Variants in CNBD1 observed in about 807,000 individuals in gnomAD.
CNBD1 encodes cyclic nucleotide-binding domain-containing protein 1.
CNBD1 carries 71 observed loss-of-function variants against 54.4 expected under a neutral mutation model. The observed-to-expected ratio is 1.30, with a 90% CI of 1.08 to 1.59. The LOEUF is 1.59. Among genes scored for constraint, CNBD1 ranks in the 40% most tolerant of loss-of-function variants. The pLI, the probability that CNBD1 is intolerant of heterozygous loss-of-function variation, is 0.00. For synonymous variants in CNBD1, 182 were observed against 170.7 expected, an observed-to-expected ratio of 1.07 and a Z score of -0.51; for missense variants, 659 against 518.0, an observed-to-expected ratio of 1.27 and a Z score of -2.64.
At chr8:87,390,441 G>T (rs1177482178) in intron 2 of CNBD1, among the ~76,000 whole-genome samples, 1 of 152,142 alleles carries the variant, frequency 6.6e-6, no homozygotes, top group African/African-American at 2.4e-5. Context: ...GATATGAACA[G>T]ACACTTCTCA....
At chr8:87,346,827 A>G (rs1810184882) in intron 8 of CNBD1, among the ~76,000 whole-genome samples, 1 of 152,234 alleles carries the variant, frequency 6.6e-6, no homozygotes, top group Non-Finnish European at 1.5e-5. Flanking sequence ...CAGAGTCACT[A>G]AAACCCAGTA....
chr8:86,997,857 T>C (rs1390614461), intron 4 of CNBD1, among the ~76,000 whole-genome samples: 1 of 152,170 alleles, frequency 6.6e-6, no homozygotes, highest in African/African-American at 2.4e-5. Context: ...GGTTATGCTT[T>C]CCTTATAGTA....
intron 8 of CNBD1, among the ~76,000 whole-genome samples, chr8:87,325,765 A>G (rs1809653936): frequency 6.7e-6 from 1 of 148,176 alleles, no homozygotes; most frequent in Non-Finnish European, 1.5e-5. Flanking sequence ...CCAACTTGCC[A>G]GTCTGTGTCT....
chr8:87,252,440 T>A (rs924821274), intron 6 of CNBD1, among the ~76,000 whole-genome samples: 6 of 152,204 alleles, frequency 3.9e-5, no homozygotes, highest in Non-Finnish European at 8.8e-5. Context: ...CTCTGTAAAC[T>A]TCTTTATAAT....
rs552616069 is a variant in CNBD1, at chr8:87,062,662, C to T, written c.431+122908C>T. Among the ~76,000 whole-genome samples, 115 of 151,696 alleles carry T rather than the reference C, an allele frequency of 7.6e-4. 2 individuals are homozygous for T. Among genetic ancestry groups the T allele is most frequent in the African/African-American group, 2.6e-3 (108 of 41,342 alleles). ...CTGAGGCAGGAGAATCCCTTGAACT[C>T]GGGAGGCAGCGATTGCGGTGAGCCA... On this transcript the variant is annotated intron_variant, in intron 4 of 10. Transcript: ENST00000518476.
chr8:87,070,451 T>C (rs997746436), intron 4 of CNBD1, among the ~76,000 whole-genome samples: 3 of 152,128 alleles, frequency 2.0e-5, no homozygotes, highest in African/African-American at 7.2e-5. Context: ...TCAACAAATA[T>C]TTATCAAATG....
chr8:87,202,624 T>C (rs1192305866), intron 4 of CNBD1, among the ~76,000 whole-genome samples: 1 of 152,170 alleles, frequency 6.6e-6, no homozygotes, highest in Non-Finnish European at 1.5e-5. Context: ...ATAATGGCTG[T>C]CTGACTGTTG....
intron 4 of CNBD1, among the ~76,000 whole-genome samples, chr8:87,135,972 T>C (rs1252410290): frequency 2.0e-5 from 3 of 152,006 alleles, no homozygotes; most frequent in Admixed American, 6.6e-5. Context: ...TGGATAAAGT[T>C]TGGAAGTGCC....
intron 8 of CNBD1, among the ~76,000 whole-genome samples, chr8:87,339,622 A>T (rs895244025): frequency 3.3e-5 from 5 of 151,876 alleles, no homozygotes; most frequent in Non-Finnish European, 5.9e-5. Flanking sequence ...TCATTTTGTT[A>T]ATTTTTTAAA....
chr8:87,083,585 CTTTTTTTTTTT>C (rs752855766), intron 4 of CNBD1, among the ~76,000 whole-genome samples: 30 of 117,162 alleles, frequency 2.6e-4, no homozygotes, highest in Non-Finnish European at 3.9e-4. Context: ...CAATGTATTT[CTTTTTTTTTTT>C]TTTTTTTTTT....
At chr8:87,349,856 G>C (rs1810249337) in intron 8 of CNBD1, among the ~76,000 whole-genome samples, 1 of 152,146 alleles carries the variant, frequency 6.6e-6, no homozygotes, top group South Asian at 2.1e-4. Context: ...TTGCAACAAT[G>C]GTTTGGGTTT....
intron 6 of CNBD1, among the ~76,000 whole-genome samples, chr8:87,244,626 T>C (rs1807766623): frequency 6.6e-6 from 1 of 152,156 alleles, no homozygotes; most frequent in Admixed American, 6.5e-5. Context: ...CACTTACTCA[T>C]AGACATTTAA....
intron 3 of CNBD1, among the ~76,000 whole-genome samples, chr8:86,931,805 C>G (rs925710714): frequency 3.3e-5 from 5 of 152,164 alleles, no homozygotes; most frequent in Admixed American, 3.3e-4. Flanking sequence ...TCAAGGGAGT[C>G]AGGTTACAGG....
chr8:87,402,781 A>C (rs548787903), intron 2 of CNBD1, among the ~76,000 whole-genome samples: 2 of 152,202 alleles, frequency 1.3e-5, no homozygotes, highest in Admixed American at 1.3e-4. Flanking sequence ...TGGTACTCAG[A>C]TATATGTGGA....
chr8:87,259,984 G>A (rs1808103781), intron 6 of CNBD1, among the ~76,000 whole-genome samples: 1 of 152,052 alleles, frequency 6.6e-6, no homozygotes, highest in South Asian at 2.1e-4. Flanking sequence ...GACAGTCCGT[G>A]GACAAGAAGA....
At chr8:87,023,131 T>C (rs1052963989) in intron 4 of CNBD1, among the ~76,000 whole-genome samples, 3 of 152,228 alleles carry the variant, frequency 2.0e-5, no homozygotes, top group Non-Finnish European at 4.4e-5. Context: ...TTTCCTCATA[T>C]GCTCCTTCTT....
At chr8:86,888,531 G>A (rs1386960303) in intron 2 of CNBD1, among the ~76,000 whole-genome samples, 1 of 152,020 alleles carries the variant, frequency 6.6e-6, no homozygotes, top group Non-Finnish European at 1.5e-5. Flanking sequence ...CTCTGCCTTG[G>A]TTTTTTCATT....
At chr8:87,257,913 A>G (rs928921503) in intron 6 of CNBD1, among the ~76,000 whole-genome samples, 3 of 152,052 alleles carry the variant, frequency 2.0e-5, no homozygotes, top group Non-Finnish European at 4.4e-5. Flanking sequence ...ATGGTGTACA[A>G]TAACATAATA....
chr8:87,256,834 A>G lies in CNBD1; in HGVS notation c.771+19722A>G, dbSNP rs1401400498. Among the ~76,000 whole-genome samples, 3 of 151,490 alleles carry G rather than the reference A, an allele frequency of 2.0e-5. No homozygotes were observed. In the South Asian group the frequency reaches 6.3e-4, roughly 32 times the overall value. On this transcript the variant is annotated intron_variant, in intron 6 of 10. Transcript: ENST00000518476. ...TAAAGAGATCTTTGTCAGTTGTGAG[A>G]TTATGAATCCAAGGTTCAAGGTTCT... is the stretch of plus-strand genomic sequence containing the variant.
Sources: allele counts gnomAD v4.1 joint callset (sites outside exome capture counted in the v4.1 genomes callset), GRCh38; gene constraint gnomAD v4.1.1; transcripts MANE v1.5; gene names NCBI Gene and HGNC (gene_info 2026-07-23, HGNC 2026-07-21).